Variants in NTNG1 observed in about 807,000 individuals in gnomAD.
NTNG1 encodes the protein netrin G1, also known as netrin-G1.
Under a neutral mutation model 54.0 loss-of-function variants are expected in NTNG1, and 16 were observed. The observed-to-expected ratio is 0.30, with a 90% CI of 0.20 to 0.45. NTNG1 has a LOEUF of 0.45. Among genes scored for constraint, NTNG1 ranks in the 20% least tolerant of loss-of-function variants. The probability of loss-of-function intolerance (pLI) is 1.00; values close to 1 mark genes in which losing one functional copy is unlikely to be tolerated. For missense variants in NTNG1, 530 were observed against 678.7 expected (o/e 0.78, Z 2.43); for synonymous variants, 255 against 263.1 (o/e 0.97, Z 0.30).
At chr1:107,255,910 GTTA>G (rs1411622741) in intron 2 of NTNG1, among the ~76,000 whole-genome samples, 1 of 152,104 alleles carries the variant, frequency 6.6e-6, no homozygotes, top group East Asian at 1.9e-4. Context: ...ATTGCTTATA[GTTA>G]TTATTATACT....
intron 4 of NTNG1, among the ~76,000 whole-genome samples, chr1:107,406,502 G>C (rs1673429204): frequency 6.6e-6 from 1 of 152,124 alleles, no homozygotes; most frequent in Non-Finnish European, 1.5e-5. Flanking sequence ...TGAGGAAACA[G>C]TGCAAAGAAG....
intron 3 of NTNG1, among the ~76,000 whole-genome samples, chr1:107,331,120 C>G (rs951145212): frequency 6.6e-6 from 1 of 152,050 alleles, no homozygotes. Flanking sequence ...AGTGCCGTGA[C>G]TTTTTCTTTA....
chr1:107,396,053 G>T (rs1368096823), intron 4 of NTNG1, among the ~76,000 whole-genome samples: 1 of 152,220 alleles, frequency 6.6e-6, no homozygotes, highest in Non-Finnish European at 1.5e-5. Context: ...TGCTCACAGA[G>T]AAATGTGATT....
intron 2 of NTNG1, among the ~76,000 whole-genome samples, chr1:107,172,153 T>C (rs1656295796): frequency 1.3e-5 from 2 of 152,134 alleles, no homozygotes; most frequent in Admixed American, 6.6e-5. Flanking sequence ...AACAGTTGTA[T>C]GACATAGGTA....
chr1:107,363,835 T>G (rs535843097), intron 3 of NTNG1, among the ~76,000 whole-genome samples: 4 of 152,346 alleles, frequency 2.6e-5, no homozygotes, highest in African/African-American at 9.6e-5. Context: ...TATACAATAC[T>G]TTCATTATTA....
At chr1:107,276,681 T>C (rs964131871) in intron 2 of NTNG1, among the ~76,000 whole-genome samples, 3 of 152,102 alleles carry the variant, frequency 2.0e-5, no homozygotes, top group Admixed American at 2.0e-4. Flanking sequence ...AATCTCTGTA[T>C]CTTAAGCACC....
chr1:107,427,978 T>TA (rs1279658378), intron 5 of NTNG1, among the ~76,000 whole-genome samples: 1 of 152,152 alleles, frequency 6.6e-6, no homozygotes, highest in African/African-American at 2.4e-5. Flanking sequence ...GAATGGGTCT[T>TA]AAACTGTTGA....
intron 2 of NTNG1, among the ~76,000 whole-genome samples, chr1:107,322,336 A>G (rs1157110313): frequency 6.6e-6 from 1 of 152,010 alleles, no homozygotes; most frequent in East Asian, 1.9e-4. Flanking sequence ...AGATGAAGAC[A>G]CTTTTTTCAG....
intron 3 of NTNG1, among the ~76,000 whole-genome samples, chr1:107,380,758 C>T (rs1213845664): frequency 6.6e-6 from 1 of 152,190 alleles, no homozygotes; most frequent in Non-Finnish European, 1.5e-5. Context: ...GGGGATTCAG[C>T]CCTGCCTGTC....
chr1:107,337,731 T>C (rs1557911782), intron 3 of NTNG1, among the ~76,000 whole-genome samples: 1 of 152,172 alleles, frequency 6.6e-6, no homozygotes, highest in East Asian at 1.9e-4. Flanking sequence ...TCTCTGTCCT[T>C]ATGAAATCTT....
chr1:107,262,006 G>C (rs1372978795), intron 2 of NTNG1, among the ~76,000 whole-genome samples: 1 of 152,174 alleles, frequency 6.6e-6, no homozygotes, highest in Non-Finnish European at 1.5e-5. Flanking sequence ...TACTCTGATT[G>C]AGGAAAATAA....
intron 7 of NTNG1, among the ~76,000 whole-genome samples, chr1:107,453,349 G>A (rs561537781): frequency 3.9e-5 from 6 of 152,238 alleles, no homozygotes; most frequent in East Asian, 1.9e-4. Flanking sequence ...TCTAGGATAT[G>A]GATTTTCATC....
chr1:107,479,151 G>A (rs897967000), intron 7 of NTNG1, among the ~76,000 whole-genome samples: 1 of 152,150 alleles, frequency 6.6e-6, no homozygotes, highest in Non-Finnish European at 1.5e-5. Flanking sequence ...CCGTGTTAGA[G>A]GTCACCAAGG....
chr1:107,382,042 C>G (rs1041791799), intron 3 of NTNG1, among the ~76,000 whole-genome samples: 1 of 152,084 alleles, frequency 6.6e-6, no homozygotes. Flanking sequence ...TTCCTTGAAC[C>G]AACCATTGTG....
At chr1:107,278,232 A>G (rs1380152565) in intron 2 of NTNG1, among the ~76,000 whole-genome samples, 2 of 152,214 alleles carry the variant, frequency 1.3e-5, no homozygotes, top group African/African-American at 2.4e-5. Context: ...TTCCTAAAGA[A>G]CTATTCTCTC....
At chr1:107,367,044 GAACAATGTCTTTT>G (rs1200178229) in intron 3 of NTNG1, among the ~76,000 whole-genome samples, 1 of 150,252 alleles carries the variant, frequency 6.7e-6, no homozygotes, top group African/African-American at 2.5e-5. Flanking sequence ...TGCTACAAAG[GAACAATGTCTTTT>G]ATCTGTTCGT....
chr1:107,433,719 T>C (rs1449329216), intron 6 of NTNG1, among the ~76,000 whole-genome samples: 1 of 152,212 alleles, frequency 6.6e-6, no homozygotes, highest in Non-Finnish European at 1.5e-5. Context: ...AGTGCTTATA[T>C]GCACACAATG....
chr1:107,386,143 A>ACACATATATATACTTATC (rs1671964988), intron 3 of NTNG1, among the ~76,000 whole-genome samples: 1 of 130,022 alleles, frequency 7.7e-6, no homozygotes, highest in African/African-American at 2.8e-5. Context: ...ATATATATAT[A>ACACATATATATACTTATC]TGTGTGTATA....
intron 2 of NTNG1, among the ~76,000 whole-genome samples, chr1:107,267,633 A>G (rs191986693): frequency 4.0e-4 from 61 of 152,056 alleles, no homozygotes; most frequent in Non-Finnish European, 4.9e-4. Context: ...CCCTCCCACT[A>G]CTGTCAGTCC....
Sources: allele counts gnomAD v4.1 joint callset (sites outside exome capture counted in the v4.1 genomes callset), GRCh38; gene constraint gnomAD v4.1.1; transcripts MANE v1.5; gene names NCBI Gene and HGNC (gene_info 2026-07-23, HGNC 2026-07-21).